The following KANTR variants were observed in gnomAD, a reference collection of about 807,000 sequenced individuals.
KANTR encodes KANTR integral membrane protein.
At chrX:53,121,509 T>G (rs889701460) in intron 2 of KANTR, among the ~76,000 whole-genome samples, 6 of 111,598 alleles carry the variant, frequency 5.4e-5, no homozygotes, top group Admixed American at 9.5e-5. Context: ...CTTTTTTTGT[T>G]CCAGGATCCA....
At chrX:53,142,283 A>G (rs781795748) in exon 3 of KANTR, 96 of 133,264 alleles carry the variant, frequency 7.2e-4, no homozygotes, top group African/African-American at 2.6e-3. Flanking sequence ...TGCTGATATC[A>G]GATACAAGCT....
At chrX:53,126,191 T>A (rs1031694131) in exon 3 of KANTR, 14 of 110,912 alleles carry the variant, frequency 1.3e-4, no homozygotes, top group Non-Finnish European at 2.1e-4. Context: ...TATTTTTTTT[T>A]AATTCTACTT....
chrX:53,126,538 CAT>C (rs1250106611), exon 3 of KANTR: 2 of 111,868 alleles, frequency 1.8e-5, no homozygotes, highest in African/African-American at 6.5e-5. Context: ...GTACAAACCT[CAT>C]ATATTTTACT....
At chrX:53,096,505 C>A (rs1402272945) in intron 1 of KANTR, among the ~76,000 whole-genome samples, 1 of 112,155 alleles carries the variant, frequency 8.9e-6, no homozygotes, top group Non-Finnish European at 1.9e-5. Flanking sequence ...CACTGATGAT[C>A]TCCAATTATT....
At chrX:53,124,122 G>A in exon 3 of KANTR, 3 of 288,727 alleles carry the variant, frequency 1.0e-5, no homozygotes, top group Non-Finnish European at 1.2e-5. Context: ...AACTCCTTTA[G>A]TAGCTATGGA....
At chrX:53,104,485 C>A (rs926838326) in intron 2 of KANTR, among the ~76,000 whole-genome samples, 1 of 110,534 alleles carries the variant, frequency 9.0e-6, no homozygotes, top group East Asian at 2.8e-4. Context: ...CCTCGGCCTC[C>A]CAAACATGAT....
intron 2 of KANTR, among the ~76,000 whole-genome samples, chrX:53,133,921 G>A (rs1933390229): frequency 9.0e-6 from 1 of 111,684 alleles, no homozygotes. Flanking sequence ...GACTCACTAT[G>A]ACTGAGAGAT....
At chrX:53,111,834 C>T (rs1556813825) in intron 2 of KANTR, among the ~76,000 whole-genome samples, 1 of 111,866 alleles carries the variant, frequency 8.9e-6, no homozygotes, top group Non-Finnish European at 1.9e-5. Flanking sequence ...CAAAACAGAA[C>T]AACAACAACA....
chrX:53,137,667 G>C (rs1325429441), intron 2 of KANTR, among the ~76,000 whole-genome samples: 1 of 110,277 alleles, frequency 9.1e-6, no homozygotes, highest in Non-Finnish European at 1.9e-5. Context: ...TACTCGGGAG[G>C]CTGAGGCAGG....
chrX:53,100,720 A>G (rs1932885325), intron 2 of KANTR, among the ~76,000 whole-genome samples: 1 of 106,498 alleles, frequency 9.4e-6, no homozygotes, highest in South Asian at 4.1e-4. Context: ...ATCGGTTGAA[A>G]CCCAAAGGCA....
At chrX:53,127,843 A>G (rs1337795472), downstream of KANTR, among the ~76,000 whole-genome samples, 2 of 111,381 alleles carry the variant, frequency 1.8e-5, no homozygotes, top group Non-Finnish European at 3.8e-5. Context: ...CCTGGTCCCC[A>G]GGCCAAGCAG....
At chrX:53,139,220 CAAAAAA>C (rs200871442) in intron 2 of KANTR, among the ~76,000 whole-genome samples, 2 of 79,849 alleles carry the variant, frequency 2.5e-5, no homozygotes, top group Non-Finnish European at 4.6e-5. Context: ...GACTCCGTCT[CAAAAAA>C]AAAAAAAAAA....
chrX:53,109,351 C>T (rs781799859), intron 2 of KANTR, among the ~76,000 whole-genome samples: 95 of 112,512 alleles, frequency 8.4e-4, no homozygotes, highest in African/African-American at 2.8e-3. Context: ...GTGGCGCGAT[C>T]TCATCTCACT....
At chrX:53,128,272 T>C (rs781811389), downstream of KANTR, among the ~76,000 whole-genome samples, 23 of 111,532 alleles carry the variant, frequency 2.1e-4, no homozygotes, top group South Asian at 3.8e-4. Context: ...TGCTGTACAC[T>C]GAAGACACAG....
chrX:53,097,350 G>GTTTTTTTTTTTTTTTTTTT (rs781783647), intron 1 of KANTR, among the ~76,000 whole-genome samples: 5 of 67,978 alleles, frequency 7.4e-5, no homozygotes, highest in African/African-American at 2.6e-4. Context: ...TTTGTTTTAA[G>GTTTTTTTTTTTTTTTTTTT]TTTTTTTTTT....
chrX:53,144,895 A>G (rs782051194), downstream of KANTR, among the ~76,000 whole-genome samples: 1 of 111,841 alleles, frequency 8.9e-6, no homozygotes, highest in East Asian at 2.8e-4. Flanking sequence ...CACTTAGTGG[A>G]TCCAAGTCTC....
chrX:53,098,658 G>A (rs1932865052), intron 1 of KANTR, among the ~76,000 whole-genome samples: 3 of 111,629 alleles, frequency 2.7e-5, no homozygotes, highest in Non-Finnish European at 5.6e-5. Context: ...TCTTCACCAG[G>A]AGTAGATTTC....
chrX:53,137,858 G>A (rs1420641126), intron 2 of KANTR, among the ~76,000 whole-genome samples: 1 of 106,339 alleles, frequency 9.4e-6, no homozygotes, highest in Non-Finnish European at 1.9e-5. Context: ...TTGTTTTTTT[G>A]TTTTGACAGA....
downstream of KANTR, among the ~76,000 whole-genome samples, chrX:53,129,849 A>AATTTATTTATTTATTTATTT (rs59141550): frequency 7.1e-5 from 7 of 98,980 alleles, no homozygotes; most frequent in African/African-American, 1.8e-4. Flanking sequence ...TCTCCTTACA[A>AATTTATTTATTTATTTATTT]ATTTATTTAT....
Sources: gnomAD v4.1 joint callset for allele counts (sites outside exome capture counted in the v4.1 genomes callset) on GRCh38, gnomAD v4.1.1 for gene constraint, MANE v1.5 for transcripts, NCBI Gene and HGNC (gene_info 2026-07-23, HGNC 2026-07-21) for gene names.